The following GNAT3 variants were observed in gnomAD, a reference collection of about 807,000 sequenced individuals.
GNAT3 encodes the protein G protein subunit alpha transducin 3, also known as guanine nucleotide-binding protein G(t) subunit alpha-3.
A neutral mutation model predicts 37.7 loss-of-function variants in GNAT3; 31 were observed. The observed-to-expected ratio is 0.82, with a 90% CI of 0.62 to 1.11. The LOEUF (loss-of-function observed/expected upper bound fraction) is 1.11, where lower values mean the gene tolerates loss of function less well. GNAT3 is among the 50% of genes most tolerant of loss of function. The pLI is 0.00. For missense variants in GNAT3, 437 were observed against 412.5 expected (o/e 1.06, Z -0.51); for synonymous variants, 138 against 139.8 (o/e 0.99, Z 0.09).
At chr7:80,494,557 C>T (rs1295199069) in intron 2 of GNAT3, 48 bp downstream of exon 2, 3 of 978,720 alleles carry the variant, frequency 3.1e-6, no homozygotes, top group African/African-American at 3.3e-5. Flanking sequence ...TGGTCAAATA[C>T]ATGGACAGAC....
chr7:80,504,846 T>C (rs1790902654), intron 1 of GNAT3, among the ~76,000 whole-genome samples: 2 of 151,630 alleles, frequency 1.3e-5, no homozygotes, highest in East Asian at 1.9e-4. Context: ...TAGGGTGAGG[T>C]TGGGGGGAGA....
chr7:80,494,014 C>A (rs1790665800), intron 2 of GNAT3, among the ~76,000 whole-genome samples: 1 of 152,100 alleles, frequency 6.6e-6, no homozygotes, highest in Non-Finnish European at 1.5e-5. Flanking sequence ...CTTTAAAATT[C>A]TCTAGCAGTA....
intron 3 of GNAT3, among the ~76,000 whole-genome samples, chr7:80,481,904 A>G (rs749575170): frequency 2.6e-5 from 4 of 152,144 alleles, no homozygotes; most frequent in African/African-American, 4.8e-5. Context: ...TTTTCAACCA[A>G]TCAGAAAATG....
chr7:80,511,822 C>A lies in GNAT3; in HGVS notation c.105G>T (p.Lys35Asn). The part of the protein sequence containing the change: ...EDAERDARTV[K>N]LLLLGAGESG... Reference sequence around the variant, plus strand: ...AAAAGAAATTACCTAATAGTAGCAGCTTTACGGTTCTTGCATCTCGCTCAG... The same window carrying A: ...AAAAGAAATTACCTAATAGTAGCAGATTTACGGTTCTTGCATCTCGCTCAG... The change falls in exon 1 of 8, where the codon AAG becomes AAT. Residue 35 changes from lysine (K) to asparagine (N), a missense_variant. Transcript: ENST00000398291. The A allele has an allele frequency of 6.2e-6, 10 of 1,608,670 alleles. No individual in the cohort carries two copies. Among genetic ancestry groups the A allele is most frequent in the Non-Finnish European group, 7.7e-6 (9 of 1,176,132 alleles).
At chr7:80,495,961 TTGA>T (rs1790708859) in intron 1 of GNAT3, among the ~76,000 whole-genome samples, 1 of 152,156 alleles carries the variant, frequency 6.6e-6, no homozygotes, top group Non-Finnish European at 1.5e-5. Flanking sequence ...AGTCCTTTGT[TTGA>T]TGCATAGCTT....
intron 1 of GNAT3, among the ~76,000 whole-genome samples, chr7:80,501,090 A>G (rs1393859642): frequency 6.6e-6 from 1 of 152,154 alleles, no homozygotes; most frequent in Non-Finnish European, 1.5e-5. Flanking sequence ...TGCTCTGCCC[A>G]TGGACTGTTT....
chr7:80,511,511 G>A (rs1485401650), intron 1 of GNAT3, among the ~76,000 whole-genome samples: 1 of 152,012 alleles, frequency 6.6e-6, no homozygotes, highest in Non-Finnish European at 1.5e-5. Flanking sequence ...TGATTAGGGT[G>A]CAATAAAATA....
intron 4 of GNAT3, among the ~76,000 whole-genome samples, chr7:80,477,798 A>T (rs1286154245): frequency 6.6e-6 from 1 of 152,192 alleles, no homozygotes; most frequent in East Asian, 1.9e-4. Flanking sequence ...ACTTTTTCAC[A>T]CATATGCATG....
chr7:80,480,222 C>G (rs545579552), intron 3 of GNAT3, among the ~76,000 whole-genome samples: 5 of 152,156 alleles, frequency 3.3e-5, no homozygotes, highest in African/African-American at 1.2e-4. Flanking sequence ...AGCTCATAAC[C>G]CTCCTAGTGC....
chr7:80,487,556 A>G (rs1790511892), intron 3 of GNAT3: 1 of 152,162 alleles, frequency 6.6e-6, no homozygotes, highest in African/African-American at 2.4e-5. Context: ...AATTGTAATG[A>G]TTTCTGGTGG....
chr7:80,477,753 G>A (rs1002634961), intron 4 of GNAT3, among the ~76,000 whole-genome samples: 6 of 152,092 alleles, frequency 3.9e-5, no homozygotes, highest in African/African-American at 1.4e-4. Context: ...CTGTTGGCGG[G>A]GAGAGGGGGA....
At chr7:80,495,468 T>A (rs1307740409) in intron 1 of GNAT3, among the ~76,000 whole-genome samples, 1 of 148,814 alleles carries the variant, frequency 6.7e-6, no homozygotes, top group East Asian at 2.1e-4. Context: ...TTTTTTTGGT[T>A]TGTTTGTTTT....
intron 3 of GNAT3, 76 bp downstream of exon 3, chr7:80,488,459 G>T: frequency 1.7e-6 from 2 of 1,161,680 alleles, no homozygotes; most frequent in South Asian, 1.6e-5. Flanking sequence ...TTAATACTAT[G>T]AACTTATTAA....
intron 5 of GNAT3, among the ~76,000 whole-genome samples, chr7:80,468,657 G>A (rs1790161665): frequency 6.6e-6 from 1 of 151,910 alleles, no homozygotes. Context: ...CCTTGTTTCT[G>A]GTCTTGAAAA....
intron 3 of GNAT3, among the ~76,000 whole-genome samples, chr7:80,487,384 A>G (rs565830551): frequency 1.3e-5 from 2 of 152,298 alleles, no homozygotes; most frequent in South Asian, 4.1e-4. Context: ...TAGAAATGGG[A>G]ATCAGTAAAA....
intron 2 of GNAT3, among the ~76,000 whole-genome samples, chr7:80,493,218 G>A (rs1790627383): frequency 6.6e-6 from 1 of 151,930 alleles, no homozygotes; most frequent in Non-Finnish European, 1.5e-5. Context: ...AGAGGTTCAA[G>A]CATGATCACA....
At chr7:80,477,655 A>C (rs1050856559) in intron 4 of GNAT3, among the ~76,000 whole-genome samples, 2 of 152,134 alleles carry the variant, frequency 1.3e-5, no homozygotes, top group Non-Finnish European at 2.9e-5. Context: ...TGCAAGCTTC[A>C]TTGTTCTGTC....
chr7:80,480,345 T>G (rs1790373021), intron 3 of GNAT3, among the ~76,000 whole-genome samples: 1 of 151,910 alleles, frequency 6.6e-6, no homozygotes, highest in African/African-American at 2.4e-5. Flanking sequence ...AAACTCAGAG[T>G]TTTAGAAACG....
intron 3 of GNAT3, among the ~76,000 whole-genome samples, chr7:80,479,905 G>A (rs1200619824): frequency 6.6e-6 from 1 of 151,974 alleles, no homozygotes; most frequent in Non-Finnish European, 1.5e-5. Context: ...GATTGCATAT[G>A]CCTTTGGAAC....
Sources: gnomAD v4.1 joint callset for allele counts (sites outside exome capture counted in the v4.1 genomes callset) on GRCh38, gnomAD v4.1.1 for gene constraint, MANE v1.5 for transcripts, NCBI Gene and HGNC (gene_info 2026-07-23, HGNC 2026-07-21) for gene names.